Variants in FRAS1 observed in about 807,000 individuals in gnomAD.
FRAS1 encodes extracellular matrix organizing protein FRAS1.
A neutral mutation model predicts 435.2 loss-of-function variants in FRAS1; 290 were observed. The observed-to-expected ratio is 0.67, with a 90% CI of 0.61 to 0.73. FRAS1 has a LOEUF of 0.73. FRAS1 is among the 30% of genes least tolerant of loss of function. The probability of loss-of-function intolerance (pLI) is 0.00; values close to 1 mark genes in which losing one functional copy is unlikely to be tolerated. For synonymous variants in FRAS1, 1,800 were observed against 1,851.0 expected, an observed-to-expected ratio of 0.97 and a Z score of 0.71; for missense variants, 4,860 against 5,001.5, an observed-to-expected ratio of 0.97 and a Z score of 0.85.
intron 64 of FRAS1, among the ~76,000 whole-genome samples, chr4:78,513,015 C>T (rs1721086109): frequency 2.0e-5 from 3 of 152,226 alleles, no homozygotes; most frequent in African/African-American, 4.8e-5. Context: ...TAGACATTCA[C>T]TGTGACAGAG....
At chr4:78,528,110 T>A (rs951734793) in intron 70 of FRAS1, among the ~76,000 whole-genome samples, 2 of 152,094 alleles carry the variant, frequency 1.3e-5, no homozygotes, top group Non-Finnish European at 2.9e-5. Context: ...TGAAAAGCCC[T>A]ACATTTGCTG....
In FRAS1 at chr4:78,482,518, A is replaced by G; in HGVS notation, c.8735A>G (p.Asn2912Ser). The stretch of plus-strand genomic sequence containing the variant: ...CCCTTCCAGGCAGTCATTGCAATTA[A>G]TGACACATTCCAAGATGGTAAGAGA... ...TKPFQAVIAI[N>S]DTFQDVPSMQ... Residue 2912 changes from asparagine to serine, a missense_variant, in exon 58 of 74, where the codon AAT becomes AGT. Asn to Ser is a conservative substitution (Grantham distance 46, BLOSUM62 1). Coordinates refer to ENST00000512123, the MANE Select transcript of FRAS1 (RefSeq NM_025074.7). 1 of 1,613,860 alleles carries G rather than the reference A, an allele frequency of 6.2e-7. No homozygotes were observed. The highest frequency in any genetic ancestry group is 1.1e-5 in the South Asian group (1 of 91,014).
At chr4:78,318,757 G>A in intron 17 of FRAS1, 53 bp from the exon 18 acceptor site, 2 of 1,490,140 alleles carry the variant, frequency 1.3e-6, no homozygotes, top group East Asian at 2.3e-5. Flanking sequence ...TGAAAGATTT[G>A]CAACATATAT....
At chr4:78,255,954 G>A (rs767544554) in intron 6 of FRAS1, among the ~76,000 whole-genome samples, 5 of 152,190 alleles carry the variant, frequency 3.3e-5, no homozygotes, top group East Asian at 1.9e-4. Context: ...TGTGGTATAC[G>A]TGGTATTTTA....
intron 54 of FRAS1, among the ~76,000 whole-genome samples, chr4:78,477,233 G>A (rs985338768): frequency 6.6e-6 from 1 of 152,096 alleles, no homozygotes; most frequent in African/African-American, 2.4e-5. Context: ...TAAGTAATAT[G>A]GTGATACTAA....
At chr4:78,347,102 T>G (rs1335884321) in intron 20 of FRAS1, among the ~76,000 whole-genome samples, 3 of 152,158 alleles carry the variant, frequency 2.0e-5, no homozygotes, top group East Asian at 1.9e-4. Context: ...TTCATCTTCA[T>G]CCCTCCCACC....
chr4:78,394,425 A>G (rs995601705), intron 29 of FRAS1, among the ~76,000 whole-genome samples: 4 of 151,938 alleles, frequency 2.6e-5, no homozygotes, highest in African/African-American at 9.7e-5. Context: ...TGGGATATCT[A>G]ATTATCCCAA....
chr4:78,113,469 C>T (rs1742886225), intron 2 of FRAS1, among the ~76,000 whole-genome samples: 2 of 152,276 alleles, frequency 1.3e-5, no homozygotes, highest in African/African-American at 4.8e-5. Context: ...TCCTATTTCT[C>T]CACATCCTCT....
rs1417093107 is a variant in FRAS1 at position 78,336,785 on chromosome 4, C to T, written c.2279-889C>T. 3.3e-5 allele frequency among the ~76,000 whole-genome samples: 5 copies of T among 152,200 alleles called. No individual in the cohort carries two copies. The East Asian group carries it at 9.6e-4, about 29-fold the overall frequency. On this transcript the variant is annotated intron_variant, in intron 19 of 73. Transcript: ENST00000512123. ...AGTTCCTGCAAAATCTACCCAGCTC[C>T]AGCCCTTCACATCCCCTCCTCTTGG...
At chr4:78,536,931 C>A in intron 71 of FRAS1, 64 bp from the exon 72 acceptor site, 4 of 1,376,968 alleles carry the variant, frequency 2.9e-6, no homozygotes, top group South Asian at 1.2e-5. Flanking sequence ...CCCTTTCAAC[C>A]CTTGACATTT....
In FRAS1 at chr4:78,509,013, C is replaced by T; in HGVS notation, c.9780+7C>T. On this transcript the variant is annotated splice_region_variant and intron_variant, in intron 63 of 73. Coordinates refer to ENST00000512123, the MANE Select transcript of FRAS1 (RefSeq NM_025074.7). ...CACCAGTGTCAACCACATGGTAGGT[C>T]TGGGGGTCTGGGCCTGGTTCTCCCT... The T allele has an allele frequency of 2.5e-6, 4 of 1,613,826 alleles. No individual in the cohort carries two copies. The highest frequency in any genetic ancestry group is 3.4e-6 in the Non-Finnish European group (4 of 1,179,820).
At chr4:78,174,196 CT>C (rs1479693910) in intron 2 of FRAS1, among the ~76,000 whole-genome samples, 9 of 152,180 alleles carry the variant, frequency 5.9e-5, no homozygotes, top group African/African-American at 1.7e-4. Flanking sequence ...GCTGTGTTTA[CT>C]GCTTTAACTT....
intron 14 of FRAS1, among the ~76,000 whole-genome samples, chr4:78,299,346 G>C (rs1478275027): frequency 1.3e-5 from 2 of 152,140 alleles, no homozygotes; most frequent in South Asian, 4.1e-4. Context: ...CTAACAAGCT[G>C]TATGGCACAG....
chr4:78,113,828 T>C (rs1400369082), intron 2 of FRAS1, among the ~76,000 whole-genome samples: 1 of 152,250 alleles, frequency 6.6e-6, no homozygotes, highest in African/African-American at 2.4e-5. Context: ...AGTTCTTTAG[T>C]TCAATGAGAT....
chr4:78,405,499 T>C (rs1036512295), intron 30 of FRAS1, among the ~76,000 whole-genome samples: 1 of 152,120 alleles, frequency 6.6e-6, no homozygotes, highest in East Asian at 1.9e-4. Flanking sequence ...AGTAGTGTAG[T>C]CATGTTTCTC....
At chr4:78,165,887 G>A (rs554450818) in intron 2 of FRAS1, among the ~76,000 whole-genome samples, 18 of 152,242 alleles carry the variant, frequency 1.2e-4, no homozygotes, top group African/African-American at 4.3e-4. Flanking sequence ...GAGGCCTCTT[G>A]GAGCCTGTCA....
chr4:78,425,967 G>A (rs962764793), intron 35 of FRAS1, among the ~76,000 whole-genome samples: 3 of 152,122 alleles, frequency 2.0e-5, no homozygotes, highest in Admixed American at 6.5e-5. Flanking sequence ...AATATTCCTT[G>A]TAGTCTCAAC....
At chr4:78,518,254 A>T (rs957649920) in intron 66 of FRAS1, among the ~76,000 whole-genome samples, 4 of 150,166 alleles carry the variant, frequency 2.7e-5, no homozygotes, top group Admixed American at 2.0e-4. Flanking sequence ...TTTGAATATT[A>T]AAAAAAAACT....
intron 4 of FRAS1, among the ~76,000 whole-genome samples, chr4:78,247,906 G>A (rs1725321966): frequency 6.6e-6 from 1 of 152,158 alleles, no homozygotes; most frequent in Non-Finnish European, 1.5e-5. Flanking sequence ...GATAGATTCG[G>A]TGTGGCAGGA....
Sources: gnomAD v4.1 joint callset for allele counts (sites outside exome capture counted in the v4.1 genomes callset) on GRCh38, gnomAD v4.1.1 for gene constraint, MANE v1.5 for transcripts, NCBI Gene and HGNC (gene_info 2026-07-23, HGNC 2026-07-21) for gene names.